Variants in CTNND2 observed in about 807,000 individuals in gnomAD.
CTNND2 encodes catenin delta-2.
A neutral mutation model predicts 144.4 loss-of-function variants in CTNND2; 22 were observed. The ratio of observed to expected loss-of-function variants is 0.15; its 90% CI spans 0.11 to 0.22. The LOEUF (loss-of-function observed/expected upper bound fraction) is 0.22. Ranked by LOEUF, CTNND2 falls within the 10% of genes least tolerant of loss-of-function variation. The pLI, the probability that CTNND2 is intolerant of heterozygous loss-of-function variation, is 1.00. For missense variants in CTNND2, 1,353 were observed against 1,618.8 expected (o/e 0.84, Z 2.82); for synonymous variants, 751 against 695.6 (o/e 1.08, Z -1.25).
At chr5:11,745,713 C>T (rs568247964) in intron 1 of CTNND2, among the ~76,000 whole-genome samples, 5 of 152,282 alleles carry the variant, frequency 3.3e-5, no homozygotes, top group Admixed American at 2.0e-4. Flanking sequence ...GCAATATTAC[C>T]TCCTTCAATC....
intron 1 of CTNND2, among the ~76,000 whole-genome samples, chr5:11,900,161 C>T (rs1324701198): frequency 6.6e-6 from 1 of 152,116 alleles, no homozygotes; most frequent in African/African-American, 2.4e-5. Context: ...TAGAAAGGTT[C>T]TAGGAAGCAT....
chr5:11,052,803 G>A (rs895484919), intron 16 of CTNND2, among the ~76,000 whole-genome samples: 15 of 151,984 alleles, frequency 9.9e-5, no homozygotes, highest in Non-Finnish European at 1.8e-4. Context: ...AAGCAGATAA[G>A]GGCATCTGAG....
intron 16 of CTNND2, among the ~76,000 whole-genome samples, chr5:11,028,777 C>T (rs555126669): frequency 5.3e-5 from 8 of 152,256 alleles, no homozygotes; most frequent in Non-Finnish European, 1.0e-4. Context: ...GGTGCAATTT[C>T]AGCTGACTGC....
chr5:11,608,312 C>T (rs770354129), intron 2 of CTNND2, among the ~76,000 whole-genome samples: 1 of 152,192 alleles, frequency 6.6e-6, no homozygotes, highest in Non-Finnish European at 1.5e-5. Context: ...GCCCTCCCCA[C>T]TGAGCACTAG....
chr5:11,243,770 T>C (rs1742699432), intron 9 of CTNND2, among the ~76,000 whole-genome samples: 1 of 152,218 alleles, frequency 6.6e-6, no homozygotes, highest in African/African-American at 2.4e-5. Flanking sequence ...ACTGTTCTGC[T>C]GGTACGGAAA....
At chr5:11,837,729 TGTTTTTTCCTTCGAAAAAAACAAAGG>T in intron 1 of CTNND2, among the ~76,000 whole-genome samples, 1 of 152,316 alleles carries the variant, frequency 6.6e-6, no homozygotes, top group Admixed American at 6.5e-5. Flanking sequence ...CTTGTGAATC[TGTTTTTTCCTTCGAAAAAAACAAAGG>T]TTTTTTTCTG....
intron 9 of CTNND2, among the ~76,000 whole-genome samples, chr5:11,271,298 C>A (rs1415056605): frequency 6.6e-6 from 1 of 152,094 alleles, no homozygotes; most frequent in East Asian, 1.9e-4. Context: ...AACATATGTG[C>A]ATTTATAAAT....
chr5:11,022,431 T>A (rs1188105051), intron 17 of CTNND2, among the ~76,000 whole-genome samples: 3 of 152,104 alleles, frequency 2.0e-5, no homozygotes, highest in Non-Finnish European at 4.4e-5. Context: ...CCTGACTTGG[T>A]TGCAGAGCTG....
chr5:11,103,369 G>A (rs1014723208), intron 14 of CTNND2, among the ~76,000 whole-genome samples: 15 of 152,052 alleles, frequency 9.9e-5, no homozygotes, highest in African/African-American at 3.6e-4. Flanking sequence ...ACGTAACTTA[G>A]GGATAAAAAC....
At chr5:11,470,334 T>C (rs1202055321) in intron 3 of CTNND2, among the ~76,000 whole-genome samples, 1 of 152,056 alleles carries the variant, frequency 6.6e-6, no homozygotes, top group Non-Finnish European at 1.5e-5. Context: ...CTCGGGAGAC[T>C]GAGGCAGGAG....
chr5:11,373,609 G>A (rs369208170), intron 7 of CTNND2, among the ~76,000 whole-genome samples: 1 of 152,144 alleles, frequency 6.6e-6, no homozygotes, highest in African/African-American at 2.4e-5. Flanking sequence ...AGGACCTCAG[G>A]GGAGGGGCCC....
At chr5:11,252,649 G>C (rs1743779601) in intron 9 of CTNND2, among the ~76,000 whole-genome samples, 1 of 152,168 alleles carries the variant, frequency 6.6e-6, no homozygotes, top group Non-Finnish European at 1.5e-5. Context: ...GCAGTATAGA[G>C]AGCTTCAGCC....
At chr5:11,187,697 G>A (rs32277) in intron 11 of CTNND2, among the ~76,000 whole-genome samples, 55,736 of 151,872 alleles carry the variant, frequency 0.37, 10,389 homozygotes, top group Middle Eastern at 0.4. Context: ...AATTTTTGCA[G>A]TCTATCTATC....
rs576565140 is a variant in CTNND2, at chr5:11,404,801, G to A, written c.439+6735C>T. On this transcript the variant is annotated intron_variant, in intron 5 of 21. Coordinates refer to ENST00000304623, the MANE Select transcript of CTNND2 (RefSeq NM_001332.4). ...CCCGGCTAATTTTTTGTAGAGATGG[G>A]GTTTCACCATGTTGGTCAGGCTGGT... Among the ~76,000 whole-genome samples the A allele has an allele frequency of 2.0e-5, 3 of 151,550 alleles. No homozygotes were observed. The South Asian group carries it at 6.3e-4, about 32-fold the overall frequency.
intron 16 of CTNND2, among the ~76,000 whole-genome samples, chr5:11,040,379 C>T (rs909530982): frequency 6.6e-6 from 1 of 152,184 alleles, no homozygotes; most frequent in Non-Finnish European, 1.5e-5. Context: ...AAAGAAATAA[C>T]ATTGAATGAG....
chr5:11,334,166 G>C (rs536318846), intron 9 of CTNND2, among the ~76,000 whole-genome samples: 16 of 152,232 alleles, frequency 1.1e-4, no homozygotes, highest in Admixed American at 4.6e-4. Context: ...TAAATGGCCA[G>C]GATTTCTTTT....
intron 1 of CTNND2, among the ~76,000 whole-genome samples, chr5:11,783,250 C>A (rs1399827776): frequency 6.6e-6 from 1 of 152,140 alleles, no homozygotes; most frequent in African/African-American, 2.4e-5. Flanking sequence ...TAGAGATATT[C>A]AGTATACTGC....
chr5:11,032,710 G>A (rs35190985), intron 16 of CTNND2, among the ~76,000 whole-genome samples: 2,748 of 152,218 alleles, frequency 0.018, 46 homozygotes, highest in Non-Finnish European at 0.021. Context: ...GTGCTACAAC[G>A]TGAAAAGATT....
chr5:11,052,886 C>T (rs1745981226), intron 16 of CTNND2, among the ~76,000 whole-genome samples: 1 of 152,050 alleles, frequency 6.6e-6, no homozygotes, highest in Admixed American at 6.6e-5. Context: ...TGTATATTTT[C>T]ATTAGTGAGG....
Sources: allele counts gnomAD v4.1 joint callset (sites outside exome capture counted in the v4.1 genomes callset), GRCh38; gene constraint gnomAD v4.1.1; transcripts MANE v1.5; gene names NCBI Gene and HGNC (gene_info 2026-07-23, HGNC 2026-07-21).